DLG2: variants seen among roughly 807,000 people sequenced by gnomAD.
DLG2 encodes the protein discs large MAGUK scaffold protein 2.
Under a neutral mutation model 132.5 loss-of-function variants are expected in DLG2, and 45 were observed. The observed-to-expected ratio is 0.34, with a 90% CI of 0.27 to 0.44. The LOEUF (loss-of-function observed/expected upper bound fraction) is 0.44. DLG2 is among the 20% of genes least tolerant of loss of function. The probability of loss-of-function intolerance (pLI) is 1.00; values close to 1 mark genes in which losing one functional copy is unlikely to be tolerated. For synonymous variants in DLG2, 424 were observed against 419.6 expected (o/e 1.01, Z -0.13); for missense variants, 1,045 against 1,196.9 (o/e 0.87, Z 1.87).
chr11:83,983,829 T>A (rs2093010635), intron 11 of DLG2, among the ~76,000 whole-genome samples: 1 of 152,092 alleles, frequency 6.6e-6, no homozygotes, highest in Non-Finnish European at 1.5e-5. Context: ...AAATTTAAAA[T>A]ACATATCAGC....
intron 3 of DLG2, among the ~76,000 whole-genome samples, chr11:85,516,689 T>G (rs1266902701): frequency 6.6e-6 from 1 of 151,980 alleles, no homozygotes; most frequent in East Asian, 1.9e-4. Flanking sequence ...ATGAATAAAT[T>G]CCTGAACACA....
intron 21 of DLG2, among the ~76,000 whole-genome samples, chr11:83,489,446 C>T (rs564852987): frequency 2.6e-5 from 4 of 152,072 alleles, no homozygotes; most frequent in South Asian, 4.1e-4. Flanking sequence ...AATGTATAGA[C>T]TTCATTTTGA....
At chr11:84,101,624 T>C (rs1255015727) in intron 9 of DLG2, among the ~76,000 whole-genome samples, 1 of 152,028 alleles carries the variant, frequency 6.6e-6, no homozygotes, top group Non-Finnish European at 1.5e-5. Flanking sequence ...GCCATGGAGA[T>C]AGTGTTTAGG....
At chr11:83,856,474 C>T (rs1326208071) in intron 16 of DLG2, among the ~76,000 whole-genome samples, 1 of 152,184 alleles carries the variant, frequency 6.6e-6, no homozygotes, top group Non-Finnish European at 1.5e-5. Context: ...TCCTTTTTCT[C>T]CACAACCTTG....
chr11:85,460,808 T>C (rs2153056515), intron 3 of DLG2, among the ~76,000 whole-genome samples: 1 of 152,360 alleles, frequency 6.6e-6, no homozygotes, highest in South Asian at 2.1e-4. Flanking sequence ...GTTCCTGCTT[T>C]GAAAAACTAA....
intron 9 of DLG2, among the ~76,000 whole-genome samples, chr11:84,130,505 T>TACAC (rs1238340332): frequency 1.3e-4 from 15 of 116,896 alleles, no homozygotes; most frequent in African/African-American, 5.2e-4. Context: ...TATATATATA[T>TACAC]ACACACACAC....
intron 6 of DLG2, among the ~76,000 whole-genome samples, chr11:84,790,641 T>C (rs1014280062): frequency 2.0e-5 from 3 of 152,200 alleles, no homozygotes; most frequent in Non-Finnish European, 4.4e-5. Context: ...TGTAAGATAT[T>C]AGTCAAGACA....
At chr11:83,985,109 C>T (rs2093155247) in intron 11 of DLG2, among the ~76,000 whole-genome samples, 1 of 152,038 alleles carries the variant, frequency 6.6e-6, no homozygotes, top group South Asian at 2.1e-4. Context: ...GCTAGGACCA[C>T]TGAGCAATAA....
chr11:85,432,121 A>AG (rs2091225037), intron 3 of DLG2, among the ~76,000 whole-genome samples: 1 of 152,226 alleles, frequency 6.6e-6, no homozygotes, highest in South Asian at 2.1e-4. Flanking sequence ...ACAGAAAGCA[A>AG]CAACAATAGC....
At chr11:83,515,158 G>T (rs2140146181) in intron 21 of DLG2, among the ~76,000 whole-genome samples, 1 of 152,162 alleles carries the variant, frequency 6.6e-6, no homozygotes, top group Admixed American at 6.5e-5. Context: ...ATCTGGTCCT[G>T]GACTTTTTTT....
At chr11:85,096,057 C>T (rs556436258) in intron 6 of DLG2, among the ~76,000 whole-genome samples, 6 of 152,180 alleles carry the variant, frequency 3.9e-5, no homozygotes, top group African/African-American at 1.2e-4. Flanking sequence ...TGATTGTAAA[C>T]GTACCAATCA....
chr11:85,465,712 A>G (rs2092766350), intron 3 of DLG2, among the ~76,000 whole-genome samples: 1 of 152,140 alleles, frequency 6.6e-6, no homozygotes, highest in South Asian at 2.1e-4. Context: ...TCATTGATGG[A>G]CATTTGGGTT....
intron 6 of DLG2, among the ~76,000 whole-genome samples, chr11:84,863,647 T>C (rs1302344277): frequency 6.6e-6 from 1 of 152,132 alleles, no homozygotes; most frequent in African/African-American, 2.4e-5. Context: ...CCAAATGGGC[T>C]TCCATGGAAG....
chr11:85,430,848 C>A (rs1003182249), intron 3 of DLG2, among the ~76,000 whole-genome samples: 706 of 130,730 alleles, frequency 5.4e-3, no homozygotes, highest in Admixed American at 6.0e-3. Flanking sequence ...GCTAGCCAGT[C>A]AAAAAAAAAA....
rs1184540141 is a variant in DLG2, at chr11:85,285,306, T to C, written c.100A>G (p.Ile34Val). The change falls in exon 4 of 28, where the codon ATA (isoleucine) becomes GTA (valine). Residue 34 changes from isoleucine to valine, a missense_variant. Coordinates refer to ENST00000376104, the MANE Select transcript of DLG2 (RefSeq NM_001142699.3). Reference protein sequence around the residue: ...LNSQKSCEQKIEEANQVLQKW... With the variant: ...LNSQKSCEQKVEEANQVLQKW... ...TGTAAAACTTGATTGGCTTCTTCTATCTTCTGCTCACAACTTTTTTGAGAA... is the reference window on the plus strand; with the variant it reads ...TGTAAAACTTGATTGGCTTCTTCTACCTTCTGCTCACAACTTTTTTGAGAA... The C allele has an allele frequency of 6.2e-7, 1 of 1,612,028 alleles. No homozygotes were observed. The highest frequency in any genetic ancestry group is 1.3e-5 in the African/African-American group (1 of 74,834).
intron 7 of DLG2, among the ~76,000 whole-genome samples, chr11:84,381,884 G>T (rs2098750100): frequency 6.6e-6 from 1 of 152,162 alleles, no homozygotes; most frequent in Non-Finnish European, 1.5e-5. Flanking sequence ...CCTGTAAGGG[G>T]GAAGCATCTG....
chr11:84,210,934 ACT>A (rs2096746498), intron 8 of DLG2, among the ~76,000 whole-genome samples: 1 of 152,162 alleles, frequency 6.6e-6, no homozygotes, highest in Non-Finnish European at 1.5e-5. Flanking sequence ...GTTTATCAAA[ACT>A]CAGCAATCTG....
At chr11:84,421,104 A>C (rs1396223040) in intron 7 of DLG2, among the ~76,000 whole-genome samples, 1 of 151,754 alleles carries the variant, frequency 6.6e-6, no homozygotes, top group Non-Finnish European at 1.5e-5. Context: ...TTCCCAGAAC[A>C]CTCCCTTCCC....
intron 6 of DLG2, among the ~76,000 whole-genome samples, chr11:84,781,666 A>G (rs781356961): frequency 6.6e-6 from 1 of 152,160 alleles, no homozygotes; most frequent in South Asian, 2.1e-4. Context: ...TTGAAGACTG[A>G]GACCCTCTGA....
Sources: gnomAD v4.1 joint callset for allele counts (sites outside exome capture counted in the v4.1 genomes callset) on GRCh38, gnomAD v4.1.1 for gene constraint, MANE v1.5 for transcripts, NCBI Gene and HGNC (gene_info 2026-07-23, HGNC 2026-07-21) for gene names.